Variants in MYH11 observed in about 807,000 individuals in gnomAD.
MYH11 encodes myosin-11.
In MYH11, 80 loss-of-function variants were observed where a neutral mutation model predicts 246.6. That is an observed-to-expected ratio of 0.32 (90% CI 0.27 to 0.39). The LOEUF is 0.39. Ranked by LOEUF, MYH11 falls within the 10% of genes least tolerant of loss-of-function variation. The pLI is 1.00. For synonymous variants in MYH11, 1,071 were observed against 1,015.5 expected (o/e 1.05, Z -1.04); for missense variants, 2,158 against 2,546.8 (o/e 0.85, Z 3.29).
At chr16:15,721,207 AC>A in intron 32 of MYH11, 156 bp from the exon 33 acceptor site, 1 of 971,870 alleles carries the variant, frequency 1.0e-6, no homozygotes, top group Non-Finnish European at 1.6e-6. Context: ...GAGAGTTCAG[AC>A]CCCAGCCTTA....
intron 26 of MYH11, 100 bp from the exon 27 acceptor site, chr16:15,732,808 A>G (rs2041007235): frequency 7.1e-7 from 1 of 1,404,392 alleles, no homozygotes; most frequent in African/African-American, 1.4e-5. Flanking sequence ...CCAGAGCTGC[A>G]GTCCTCATCA....
At position 15,743,012 on chromosome 16, in the gene MYH11, T is replaced by C. The variant is rs1327208653; in HGVS notation, c.2521-1121A>G. 1.9e-3 allele frequency among the ~76,000 whole-genome samples: 281 copies of C among 151,496 alleles called. 4 individuals carry two copies. Among genetic ancestry groups the C allele is most frequent in the Middle Eastern group, 0.017 (5 of 292 alleles). On this transcript the variant is annotated intron_variant, in intron 20 of 40. Transcript: ENST00000300036. ...TAGGTAGAAGTCTTTTTTTTTTTTT[T>C]TTTTAGCAGACCTATTCAGTAGCCA...
At chr16:15,779,916 G>A (rs1408437132) in intron 6 of MYH11, among the ~76,000 whole-genome samples, 1 of 152,200 alleles carries the variant, frequency 6.6e-6, no homozygotes, top group African/African-American at 2.4e-5. Flanking sequence ...GTTGGCGTGT[G>A]TGGACACAAT....
chr16:15,779,083 G>T, intron 6 of MYH11: 1 of 621,606 alleles, frequency 1.6e-6, no homozygotes, highest in Non-Finnish European at 2.9e-6. Context: ...AATTTCATTC[G>T]GCTTTTGCAA....
At chr16:15,838,823 CT>C (rs2043974584) in intron 1 of MYH11, among the ~76,000 whole-genome samples, 1 of 143,994 alleles carries the variant, frequency 6.9e-6, no homozygotes, top group Non-Finnish European at 1.5e-5. Context: ...TGCCACTGCA[CT>C]CCAGCCTGGG....
chr16:15,720,957 G>A lies in MYH11; in HGVS notation c.4673C>T (p.Thr1558Met), dbSNP rs111854563. 1,368 of 1,613,960 alleles carry A rather than the reference G, an allele frequency of 8.5e-4. 3 individuals are homozygous for A. The highest frequency in any genetic ancestry group is 1.0e-3 in the Non-Finnish European group (1,207 of 1,180,002). The change falls in exon 33 of 41, where the codon ACG (threonine) becomes ATG (methionine). Residue 1558 changes from threonine to methionine, a missense_variant. By Grantham distance (81) the Thr-to-Met change is moderately conservative. This residue lies in a region of MYH11 where 1,013 missense variants were observed against 993.5 expected (regional missense o/e 1.02). Transcript: ENST00000300036. ...TTCCAGCCGCAGTTTGGCGTCCTCCGTGGCTTGCAGCTCGTCCTCCAGCTC... is the reference window on the plus strand; with the variant it reads ...TTCCAGCCGCAGTTTGGCGTCCTCCATGGCTTGCAGCTCGTCCTCCAGCTC... ...LEELEDELQATEDAKLRLEVN... is the reference protein window; with the variant it reads ...LEELEDELQAMEDAKLRLEVN...
intron 5 of MYH11, chr16:15,785,008 AT>A (rs398028825): frequency 0.027 from 2,662 of 97,796 alleles, 1 homozygote; most frequent in South Asian, 0.067. Context: ...AATTCTCTTG[AT>A]TTTTTTTTTT....
chr16:15,740,287 G>T, intron 22 of MYH11, 99 bp from the exon 23 acceptor site: 3 of 1,565,174 alleles, frequency 1.9e-6, no homozygotes, highest in Non-Finnish European at 2.6e-6. Context: ...GCCTGAAGAT[G>T]CCCAGAACTC....
In MYH11 at chr16:15,756,234, T is replaced by C; in HGVS notation, c.1749+107A>G. 3.1e-6 allele frequency: 4 copies of C among 1,282,822 alleles called. No individual in the cohort carries two copies. In the South Asian group the frequency reaches 3.8e-5, roughly 12 times the overall value. The allele number at this position is 1,282,822 out of a possible 1,614,324, so 79.5% of individuals were successfully genotyped here. A position where few individuals can be genotyped will look rare whatever the true frequency, so the allele number is the denominator to read the frequency against. ...GGATTCGCTTAGCAGCAGATGGCTT[T>C]GCAGTTTCCAGGCAGCCCAAGGTTC... On this transcript the variant is annotated intron_variant, in intron 14 of 40. Coordinates refer to ENST00000300036, the MANE Select transcript of MYH11 (RefSeq NM_002474.3).
At chr16:15,756,569 C>T in intron 13 of MYH11, 55 bp from the exon 14 acceptor site, 1 of 1,596,728 alleles carries the variant, frequency 6.3e-7, no homozygotes, top group East Asian at 2.2e-5. Flanking sequence ...TCAGGCATTC[C>T]ATGAAGAGCT....
intron 19 of MYH11, 137 bp downstream of exon 19, chr16:15,747,433 C>G (rs2041448404): frequency 1.9e-6 from 2 of 1,050,292 alleles, no homozygotes; most frequent in African/African-American, 3.1e-5. Flanking sequence ...AGCATTTCTT[C>G]CCCTTCAAGA....
At chr16:15,783,325 C>T (rs1338613106) in intron 5 of MYH11, 1 of 152,270 alleles carries the variant, frequency 6.6e-6, no homozygotes. Context: ...TCCTGCTTTC[C>T]CTTCCTTATT....
At position 15,710,615 on chromosome 16, in the gene MYH11, G is replaced by A. The variant is rs150113973; in HGVS notation, c.5786+4294C>T. Among the ~76,000 whole-genome samples, 6 of 152,152 alleles carry A rather than the reference G, an allele frequency of 3.9e-5. No homozygotes were observed. In the East Asian group the frequency reaches 9.7e-4, roughly 25 times the overall value. ...GAGTCAGAGTGGCTGTATCCCCATC[G>A]CTCAGCCCAGCCACTCAGGAGAGGC... On this transcript the variant is annotated intron_variant, in intron 40 of 40. Coordinates refer to ENST00000300036, the MANE Select transcript of MYH11 (RefSeq NM_002474.3).
At position 15,710,475 on chromosome 16, in the gene MYH11, C is replaced by T. The variant is rs192879577; in HGVS notation, c.5786+4434G>A. Reference sequence around the variant, plus strand: ...GGCAAAGGTTGCAGTGAGCCGAGATCGCGCCACTGCACTCCAGCCTGGCAA... The same window carrying T: ...GGCAAAGGTTGCAGTGAGCCGAGATTGCGCCACTGCACTCCAGCCTGGCAA... On this transcript the variant is annotated intron_variant, in intron 40 of 40. Transcript: ENST00000300036. Among the ~76,000 whole-genome samples the T allele has an allele frequency of 8.5e-4, 130 of 152,160 alleles. 2 individuals are homozygous for T. The highest frequency in any genetic ancestry group is 2.9e-3 in the African/African-American group (120 of 41,518).
At chr16:15,772,865 C>G (rs901507961) in intron 8 of MYH11, among the ~76,000 whole-genome samples, 13 of 152,190 alleles carry the variant, frequency 8.5e-5, no homozygotes, top group African/African-American at 3.1e-4. Context: ...CTATCGTGAG[C>G]TGCACATGTG....
At chr16:15,719,417 C>G (rs2040347570) in intron 35 of MYH11, 109 bp from the exon 36 acceptor site, 18 of 1,477,028 alleles carry the variant, frequency 1.2e-5, no homozygotes, top group Non-Finnish European at 1.7e-5. Flanking sequence ...TTCCTCTGAG[C>G]TCAGGGGAGG....
intron 3 of MYH11, among the ~76,000 whole-genome samples, chr16:15,802,873 G>A (rs768029349): frequency 1.2e-4 from 19 of 152,138 alleles, no homozygotes; most frequent in Admixed American, 2.6e-4. Flanking sequence ...AAAGGAGGCC[G>A]GGCGTGGTGG....
chr16:15,734,520 G>A (rs2041060227), intron 26 of MYH11, among the ~76,000 whole-genome samples: 1 of 152,140 alleles, frequency 6.6e-6, no homozygotes, highest in Non-Finnish European at 1.5e-5. Context: ...GGCTGGTCTT[G>A]AACTCCTGAC....
intron 27 of MYH11, 107 bp downstream of exon 27, chr16:15,732,457 A>T: frequency 6.8e-7 from 1 of 1,478,234 alleles, no homozygotes; most frequent in Non-Finnish European, 9.4e-7. Context: ...TTAGAATCTT[A>T]TGTAACTTGT....
Sources: gnomAD v4.1 joint callset for allele counts (sites outside exome capture counted in the v4.1 genomes callset) on GRCh38, gnomAD v4.1.1 for gene constraint, gnomAD v4.1.1 regional missense constraint, MANE v1.5 for transcripts, NCBI Gene and HGNC (gene_info 2026-07-23, HGNC 2026-07-21) for gene names.